The following SLC15A1 variants were observed in gnomAD, a reference collection of about 807,000 sequenced individuals.
The protein encoded by SLC15A1 is Caco-2 oligopeptide transporter.
SLC15A1 carries 83 observed loss-of-function variants against 92.9 expected under a neutral mutation model. The ratio of observed to expected loss-of-function variants is 0.89; its 90% confidence interval spans 0.75 to 1.07. The LOEUF is 1.07. SLC15A1 is among the 50% of genes least tolerant of loss of function. SLC15A1 has a pLI of 0.00. For synonymous variants in SLC15A1, 322 were observed against 318.2 expected (o/e 1.01, Z -0.13); for missense variants, 857 against 880.1 (o/e 0.97, Z 0.33).
At chr13:98,717,495 C>A (rs1051579010) in intron 8 of SLC15A1, among the ~76,000 whole-genome samples, 1 of 152,186 alleles carries the variant, frequency 6.6e-6, no homozygotes, top group Non-Finnish European at 1.5e-5. Flanking sequence ...ATGACTTGTA[C>A]AGATGAGATA....
At chr13:98,726,093 T>C (rs561606342) in intron 4 of SLC15A1, 30 bp downstream of exon 4, 17 of 1,610,982 alleles carry the variant, frequency 1.1e-5, no homozygotes, top group Non-Finnish European at 1.4e-5. Flanking sequence ...TTTTCGCTTG[T>C]TTGTGAACAA....
In SLC15A1 at chr13:98,684,406, G is replaced by A. The variant is rs551740311; in HGVS notation, c.*318C>T. ...ACTAAAAATACAAAAATAGCTGGGC[G>A]TGGTGGTGCATGCCGCTAATCCCAG... On this transcript the variant is annotated 3_prime_UTR_variant, in exon 23 of 23. Transcript: ENST00000376503. 6.8e-4 allele frequency: 135 copies of A among 198,858 alleles called. 1 individual carries two copies. Among genetic ancestry groups the A allele is most frequent in the Non-Finnish European group, 1.1e-3 (107 of 97,258 alleles). The allele number at this position is 198,858 out of a possible 1,614,324, so 12.3% of individuals were successfully genotyped here. A position where few individuals can be genotyped will look rare whatever the true frequency, so the allele number is the denominator to read the frequency against.
At chr13:98,748,248 T>A (rs2088512127) in intron 1 of SLC15A1, among the ~76,000 whole-genome samples, 1 of 152,180 alleles carries the variant, frequency 6.6e-6, no homozygotes, top group Non-Finnish European at 1.5e-5. Context: ...TGAACCACAT[T>A]CATTTCTCAC....
chr13:98,709,865 A>G lies in SLC15A1; in HGVS notation c.945+2T>C. On this transcript the variant is annotated splice_donor_variant, in intron 12 of 22. Transcript: ENST00000376503. LOFTEE classifies it high-confidence loss of function. The stretch of plus-strand genomic sequence containing the variant: ...AAACTAAAACAAAGGAGTCAAACTT[A>G]CGATTTTCCCGGACATAGTTGTTGC... The G allele has an allele frequency of 4.3e-6, 7 of 1,614,246 alleles. No homozygotes were observed. Among genetic ancestry groups the G allele is most frequent in the Non-Finnish European group, 5.9e-6 (7 of 1,180,036 alleles).
intron 1 of SLC15A1, among the ~76,000 whole-genome samples, chr13:98,727,525 C>A (rs948620286): frequency 1.3e-5 from 2 of 152,170 alleles, no homozygotes; most frequent in African/African-American, 4.8e-5. Flanking sequence ...GGGGTTATGT[C>A]ACAAGAATGA....
chr13:98,684,507 T>G lies in SLC15A1; in HGVS notation c.*217A>C. On this transcript the variant is annotated 3_prime_UTR_variant, in exon 23 of 23. Coordinates refer to ENST00000376503, the MANE Select transcript of SLC15A1 (RefSeq NM_005073.4). ...TTGCAGTGAGCTGAGATCGTGCCAT[T>G]GCACTCCAGCCTGGACAACAAGAGC... is the stretch of plus-strand genomic sequence containing the variant. 2.7e-6 allele frequency: 1 copy of G among 364,440 alleles called. No homozygotes were observed. Among genetic ancestry groups the G allele is most frequent in the South Asian group, 5.4e-5 (1 of 18,440 alleles). 22.6% of individuals were successfully genotyped at this position (364,440 alleles called of 1,614,324 possible).
At position 98,723,988 on chromosome 13, in the gene SLC15A1, C is replaced by G; in HGVS notation, c.289G>C (p.Val97Leu). Residue 97 changes from valine (V) to leucine (L), a missense_variant, in exon 5 of 23, where the codon GTC becomes CTC. Coordinates refer to ENST00000376503, the MANE Select transcript of SLC15A1 (RefSeq NM_005073.4). ...LSIVYTIGQA[V>L]TSVSSINDLT... is the part of the protein sequence containing the mutation. ...TCATTAATGGAGCTTACTGAGGTGA[C>G]TGCTTGTCCAATTGTGTAGACAATG... is the stretch of plus-strand genomic sequence containing the variant. 1.2e-6 allele frequency: 2 copies of G among 1,614,174 alleles called. No homozygotes were observed. Among genetic ancestry groups the G allele is most frequent in the South Asian group, 2.2e-5 (2 of 91,082 alleles).
chr13:98,722,617 T>C (rs2088269467), intron 5 of SLC15A1, among the ~76,000 whole-genome samples: 3 of 152,290 alleles, frequency 2.0e-5, no homozygotes, highest in African/African-American at 7.2e-5. Flanking sequence ...TTTAAACACT[T>C]AAAAAATTTT....
rs2088298843 is a variant in SLC15A1 at position 98,726,255 on chromosome 13, A to G, written c.113T>C (p.Ile38Thr). 2 of 1,614,146 alleles carry G rather than the reference A, an allele frequency of 1.2e-6. No homozygotes were observed. The highest frequency in any genetic ancestry group is 1.7e-6 in the Non-Finnish European group (2 of 1,180,022). Residue 38 changes from isoleucine to threonine, a missense_variant, in exon 4 of 23, where the codon ATT becomes ACT. Coordinates refer to ENST00000376503, the MANE Select transcript of SLC15A1 (RefSeq NM_005073.4). ...GCTGATGAAATTTGTGAAGTACAGA[A>G]TCAGGATTGCTTTTGCAGAGGGCAG... ...FSYYGMRAILILYFTNFISWD... is the reference protein window; with the variant it reads ...FSYYGMRAILTLYFTNFISWD...
At chr13:98,728,985 A>AAAAAAAAC (rs2088324739) in intron 1 of SLC15A1, among the ~76,000 whole-genome samples, 3 of 144,800 alleles carry the variant, frequency 2.1e-5, no homozygotes, top group African/African-American at 7.6e-5. Context: ...TGTAAAAAAA[A>AAAAAAAAC]AAAAAAAAAA....
intron 16 of SLC15A1, among the ~76,000 whole-genome samples, chr13:98,705,177 C>T (rs1172299137): frequency 8.3e-5 from 11 of 132,264 alleles, no homozygotes; most frequent in Admixed American, 1.7e-4. Flanking sequence ...CAAGCCTGGG[C>T]GACAGAGTGA....
rs576604765 is a variant in SLC15A1, at chr13:98,731,438, C to T, written c.5-4579G>A. ...GACACGGCAACAGCACGTTATGCTT[C>T]GCCTACTTAGACTTTGGGTAATATG... is the stretch of plus-strand genomic sequence containing the variant. On this transcript the variant is annotated intron_variant, in intron 1 of 22. Coordinates refer to ENST00000376503, the MANE Select transcript of SLC15A1 (RefSeq NM_005073.4). 1.6e-4 allele frequency among the ~76,000 whole-genome samples: 25 copies of T among 152,332 alleles called. No homozygotes were observed. In the East Asian group the frequency reaches 4.4e-3, roughly 27 times the overall value.
chr13:98,706,111 G>A, intron 16 of SLC15A1, 23 bp downstream of exon 16: 1 of 1,595,274 alleles, frequency 6.3e-7, no homozygotes, highest in Non-Finnish European at 8.5e-7. Context: ...TGAAAAAGAA[G>A]GCAGCAATTT....
intron 1 of SLC15A1, among the ~76,000 whole-genome samples, chr13:98,731,554 A>T (rs2088350808): frequency 6.6e-6 from 1 of 151,934 alleles, no homozygotes; most frequent in Non-Finnish European, 1.5e-5. Flanking sequence ...AGCAGGAGCG[A>T]GCTCTGAAAA....
intron 4 of SLC15A1, among the ~76,000 whole-genome samples, chr13:98,725,919 C>T (rs1362775051): frequency 6.6e-6 from 1 of 152,034 alleles, no homozygotes; most frequent in African/African-American, 2.4e-5. Context: ...AGAGATGGGT[C>T]TCACTATGTT....
In SLC15A1 at chr13:98,726,150, A is replaced by C. The variant is rs778496678; in HGVS notation, c.218T>G (p.Ile73Ser). Residue 73 changes from isoleucine (I) to serine (S), a missense_variant, in exon 4 of 23, where the codon ATC becomes AGC. Transcript: ENST00000376503. ...CYLTPILGAL[I>S]ADSWLGKFKT... ...GAACTTTCCCAGCCACGAGTCGGCG[A>C]TAAGAGCTCCGAGAATTGGCGTCAG... 6.2e-7 allele frequency: 1 copy of C among 1,614,072 alleles called. No individual in the cohort carries two copies. The highest frequency in any genetic ancestry group is 8.5e-7 in the Non-Finnish European group (1 of 1,180,044).
chr13:98,708,985 T>G (rs1042155223), intron 14 of SLC15A1, among the ~76,000 whole-genome samples: 2 of 130,578 alleles, frequency 1.5e-5, no homozygotes, highest in African/African-American at 2.7e-5. Flanking sequence ...TTTTTTTTTT[T>G]GAGACAGAGT....
intron 15 of SLC15A1, among the ~76,000 whole-genome samples, chr13:98,707,878 GT>G (rs1667285013): frequency 8.4e-6 from 1 of 118,836 alleles, no homozygotes; most frequent in Non-Finnish European, 1.6e-5. Context: ...AGGCGACAGA[GT>G]GAGACCCTGT....
chr13:98,704,308 G>A lies in SLC15A1; in HGVS notation c.1397C>T (p.Ala466Val). 1.2e-6 allele frequency: 2 copies of A among 1,610,080 alleles called. No homozygotes were observed. Among genetic ancestry groups the A allele is most frequent in the Non-Finnish European group, 1.7e-6 (2 of 1,178,368 alleles). ...QGQRHTLLVW[A>V]PNHYQVVKDG... ...ACTTACCACCTGGTAGTGATTGGGG[G>A]CCCACACTAGAAGCGTGTGGCGTTG... The change falls in exon 17 of 23, where the codon GCC (alanine) becomes GTC (valine). Residue 466 changes from alanine (A) to valine (V), a missense_variant. By Grantham distance (64) the Ala-to-Val change is moderately conservative (BLOSUM62 0). Coordinates refer to ENST00000376503, the MANE Select transcript of SLC15A1 (RefSeq NM_005073.4).
Sources: gnomAD v4.1 joint callset for allele counts (sites outside exome capture counted in the v4.1 genomes callset) on GRCh38, gnomAD v4.1.1 for gene constraint, MANE v1.5 for transcripts, NCBI Gene and HGNC (gene_info 2026-07-23, HGNC 2026-07-21) for gene names.